PTPRQ: variants seen among roughly 807,000 people sequenced by gnomAD.
The protein encoded by PTPRQ is protein tyrosine phosphatase receptor type Q.
PTPRQ carries 199 observed loss-of-function variants against 246.0 expected under a neutral mutation model. The observed-to-expected ratio is 0.81, with a 90% CI of 0.72 to 0.91. The LOEUF is 0.91. PTPRQ is among the 40% of genes least tolerant of loss of function. The probability of loss-of-function intolerance (pLI) is 0.00; values close to 1 mark genes in which losing one functional copy is unlikely to be tolerated. For missense variants in PTPRQ, 2,624 were observed against 2,528.4 expected (o/e 1.04, Z -0.81); for synonymous variants, 869 against 853.2 (o/e 1.02, Z -0.32).
Position 80,625,976 on chromosome 12 carries a change from G to A in PTPRQ, c.5686+3842G>A, listed in dbSNP as rs138319847. Among the ~76,000 whole-genome samples, 750 of 152,254 alleles carry A rather than the reference G, an allele frequency of 4.9e-3. 11 individuals are homozygous for A. The highest frequency in any genetic ancestry group is 0.018 in the African/African-American group (729 of 41,548). ...ATTTGAAAACCAGACACCCGTTTCT[G>A]TACCTTACAGGGCTCTCATTAAAGC... On this transcript the variant is annotated intron_variant, in intron 33 of 44. Transcript: ENST00000644991.
intron 17 of PTPRQ, among the ~76,000 whole-genome samples, chr12:80,530,512 C>T (rs183403181): frequency 1.8e-4 from 27 of 152,088 alleles, no homozygotes; most frequent in Admixed American, 5.9e-4. Flanking sequence ...CACTGTCTAA[C>T]GAATGGTGTC....
chr12:80,542,452 A>T lies in PTPRQ; in HGVS notation c.3721+88A>T, dbSNP rs942745204. 3 of 1,457,548 alleles carry T rather than the reference A, an allele frequency of 2.1e-6. No homozygotes were observed. In the African/African-American group the frequency reaches 4.3e-5, roughly 21 times the overall value. 90.3% of individuals were successfully genotyped at this position (1,457,548 alleles called of 1,614,324 possible). A position where few individuals can be genotyped will look rare whatever the true frequency, so the allele number is the denominator to read the frequency against. On this transcript the variant is annotated intron_variant, in intron 22 of 44. Transcript: ENST00000644991. ...AAGGAACAGCATGGAATATGAAAGG[A>T]TATCTGATTGTCTATTTGTAACAGC...
intron 20 of PTPRQ, 111 bp from the exon 21 acceptor site, chr12:80,541,444 A>T: frequency 1.3e-6 from 1 of 750,756 alleles, no homozygotes; most frequent in Non-Finnish European, 1.9e-6. Flanking sequence ...TAAATAATTT[A>T]AGAGCTGATG....
At chr12:80,525,429 G>C (rs1304012799) in intron 17 of PTPRQ, among the ~76,000 whole-genome samples, 2 of 152,164 alleles carry the variant, frequency 1.3e-5, no homozygotes, top group Non-Finnish European at 2.9e-5. Context: ...TGTGTCTTGT[G>C]TATAATGGCA....
intron 17 of PTPRQ, among the ~76,000 whole-genome samples, chr12:80,529,218 A>G (rs892429257): frequency 3.9e-5 from 6 of 152,196 alleles, no homozygotes; most frequent in African/African-American, 9.6e-5. Context: ...ACTGGTTCAT[A>G]TGAGGAAAAA....
intron 38 of PTPRQ, among the ~76,000 whole-genome samples, chr12:80,655,200 A>T (rs899952448): frequency 3.3e-5 from 5 of 152,158 alleles, no homozygotes; most frequent in African/African-American, 1.2e-4. Context: ...TCTGAAGCTG[A>T]GATAAAAAAT....
intron 25 of PTPRQ, among the ~76,000 whole-genome samples, chr12:80,581,397 A>C (rs112661581): frequency 0.027 from 4,121 of 152,280 alleles, 64 homozygotes; most frequent in Non-Finnish European, 0.033. Context: ...GCACTTTGGG[A>C]GGCTGAGGTG....
At chr12:80,656,786 GAC>G (rs1193852538) in intron 38 of PTPRQ, among the ~76,000 whole-genome samples, 1 of 149,166 alleles carries the variant, frequency 6.7e-6, no homozygotes, top group Non-Finnish European at 1.5e-5. Context: ...CCAAATCAGG[GAC>G]AAAAGATGAA....
chr12:80,602,407 A>G (rs908397919), intron 26 of PTPRQ, among the ~76,000 whole-genome samples: 4 of 151,774 alleles, frequency 2.6e-5, no homozygotes, highest in Admixed American at 6.6e-5. Flanking sequence ...TTGTGTTGCT[A>G]TAAGAAAGTA....
chr12:80,649,736 C>G, intron 37 of PTPRQ, 67 bp downstream of exon 37: 1 of 1,483,118 alleles, frequency 6.7e-7, no homozygotes, highest in South Asian at 1.4e-5. Flanking sequence ...CATTTCATGT[C>G]CATTTTAAGC....
rs1894949498 is a variant in PTPRQ at position 80,506,105 on chromosome 12, G to C, written c.2354G>C (p.Ser785Thr). The change falls in exon 15 of 45, where the codon AGT becomes ACT. Residue 785 changes from serine (S) to threonine (T), a missense_variant. By Grantham distance (58) the Ser-to-Thr change is moderately conservative. Coordinates refer to ENST00000644991, the MANE Select transcript of PTPRQ (RefSeq NM_001145026.2). The stretch of plus-strand genomic sequence containing the variant: ...GAGCTATCATTCCTTCCCCCAAGTA[G>C]TCCCAATGGAATCATACAAAAATAT... ...EIELSFLPPS[S>T]PNGIIQKYTI... is the part of the protein sequence containing the mutation. 3.2e-6 allele frequency: 5 copies of C among 1,543,260 alleles called. No individual in the cohort carries two copies. Among genetic ancestry groups the C allele is most frequent in the Admixed American group, 2.0e-5 (1 of 49,868 alleles).
Position 80,551,582 on chromosome 12 carries a change from A to C in PTPRQ, c.4285+1848A>C, listed in dbSNP as rs535243865. ...CTGAACAATAAAGTTTAGACGTGTCAAGTTGGGTACCTGAAGCACAGAAGT... is the reference window on the plus strand; with the variant it reads ...CTGAACAATAAAGTTTAGACGTGTCCAGTTGGGTACCTGAAGCACAGAAGT... On this transcript the variant is annotated intron_variant, in intron 25 of 44. Coordinates refer to ENST00000644991, the MANE Select transcript of PTPRQ (RefSeq NM_001145026.2). 3.3e-5 allele frequency among the ~76,000 whole-genome samples: 5 copies of C among 152,262 alleles called. No homozygotes were observed. The East Asian group carries it at 9.6e-4, about 29-fold the overall frequency.
intron 3 of PTPRQ, among the ~76,000 whole-genome samples, chr12:80,449,151 T>C (rs555626640): frequency 2.6e-5 from 4 of 151,108 alleles, no homozygotes; most frequent in South Asian, 2.1e-4. Context: ...TTTCATGTGT[T>C]TTTTGGCTGC....
chr12:80,526,429 G>A (rs11613877), intron 17 of PTPRQ, among the ~76,000 whole-genome samples: 1,658 of 152,214 alleles, frequency 0.011, 21 homozygotes, highest in Middle Eastern at 0.017. Flanking sequence ...TATAGAATTG[G>A]AAAGTGATAA....
At chr12:80,546,522 T>C in intron 23 of PTPRQ, 34 bp from the exon 24 acceptor site, 13 of 1,527,300 alleles carry the variant, frequency 8.5e-6, no homozygotes, top group Non-Finnish European at 1.1e-5. Context: ...TTTTTGACAG[T>C]GCATTAACTA....
rs4586240 is a variant in PTPRQ at position 80,556,730 on chromosome 12, C to T, written c.4285+6996C>T. ...AAAGCACTCATGGTAAGCTGCCCTC[C>T]GACACCCTCACTATTCATGAAAATA... On this transcript the variant is annotated intron_variant, in intron 25 of 44. Transcript: ENST00000644991. 8.6e-3 allele frequency among the ~76,000 whole-genome samples: 1,314 copies of T among 152,088 alleles called. 22 individuals are homozygous for T. Among genetic ancestry groups the T allele is most frequent in the African/African-American group, 0.03 (1,249 of 41,464 alleles).
chr12:80,453,039 G>A (rs55773121), intron 3 of PTPRQ, among the ~76,000 whole-genome samples: 69,348 of 151,756 alleles, frequency 0.46, 18,777 homozygotes, highest in South Asian at 0.63. Context: ...ACATAGTCCC[G>A]TATTTCTTGG....
At chr12:80,545,630 A>G (rs1028256729) in intron 23 of PTPRQ, among the ~76,000 whole-genome samples, 2 of 151,454 alleles carry the variant, frequency 1.3e-5, no homozygotes, top group African/African-American at 2.4e-5. Flanking sequence ...CAACTATGAT[A>G]CTCTTTTGTT....
Position 80,510,372 on chromosome 12 carries a change from C to T in PTPRQ, c.2607C>T (p.Val869=), listed in dbSNP as rs1479668610. The change falls in exon 17 of 45, where the codon GTC becomes GTT. Residue 869 remains valine, a synonymous_variant. Coordinates refer to ENST00000644991, the MANE Select transcript of PTPRQ (RefSeq NM_001145026.2). The part of the protein sequence containing the change: ...QDFSVKQLSG[V]TVKLSWQPPL... The stretch of plus-strand genomic sequence containing the variant: ...TCTCTGTAAAACAGTTGTCTGGTGT[C>T]ACGGTGAAGTTGTCATGGCAACCAC... 13 of 1,550,278 alleles carry T rather than the reference C, an allele frequency of 8.4e-6. No individual in the cohort carries two copies. Among genetic ancestry groups the T allele is most frequent in the Admixed American group, 2.0e-5 (1 of 50,948 alleles).
Sources: gnomAD v4.1 joint callset for allele counts (sites outside exome capture counted in the v4.1 genomes callset) on GRCh38, gnomAD v4.1.1 for gene constraint, MANE v1.5 for transcripts, NCBI Gene and HGNC (gene_info 2026-07-23, HGNC 2026-07-21) for gene names.